ROBO1: variants seen among roughly 807,000 people sequenced by gnomAD.
The protein encoded by ROBO1 is roundabout guidance receptor 1.
In ROBO1, 149 loss-of-function variants were observed where a neutral mutation model predicts 195.9. The observed-to-expected ratio is 0.76, with a 90% CI of 0.67 to 0.87. The LOEUF (loss-of-function observed/expected upper bound fraction) is 0.87, where lower values mean the gene tolerates loss of function less well. ROBO1 is among the 40% of genes least tolerant of loss of function. ROBO1 has a pLI of 0.00. For missense variants in ROBO1, 1,933 were observed against 2,068.3 expected, an observed-to-expected ratio of 0.93 and a Z score of 1.27; for synonymous variants, 816 against 733.2, an observed-to-expected ratio of 1.11 and a Z score of -1.82.
intron 5 of ROBO1, among the ~76,000 whole-genome samples, chr3:78,744,602 G>C (rs75071269): frequency 0.075 from 11,381 of 152,178 alleles, 880 homozygotes; most frequent in African/African-American, 0.2. Context: ...ACTCTCTAGT[G>C]AATGCGTTAG....
At chr3:78,623,825 C>T (rs911562914) in intron 26 of ROBO1, among the ~76,000 whole-genome samples, 1 of 151,994 alleles carries the variant, frequency 6.6e-6, no homozygotes, top group Non-Finnish European at 1.5e-5. Flanking sequence ...ATATATGGGT[C>T]GGAAGCTCCA....
intron 1 of ROBO1, among the ~76,000 whole-genome samples, chr3:79,635,907 T>C (rs971619603): frequency 3.9e-5 from 6 of 152,294 alleles, no homozygotes; most frequent in African/African-American, 1.4e-4. Flanking sequence ...ACAATACATA[T>C]ATCCTTCTTT....
intron 22 of ROBO1, 29 bp from the exon 23 acceptor site, chr3:78,636,137 A>T (rs373070988): frequency 5.2e-4 from 775 of 1,499,664 alleles, no homozygotes; most frequent in Admixed American, 8.0e-4. Flanking sequence ...AAAAGGAAAA[A>T]ATCATTCTGC....
rs1158220879 is a variant in ROBO1, at chr3:78,930,524, G to T, written c.499+8077C>A. 2.6e-5 allele frequency among the ~76,000 whole-genome samples: 4 copies of T among 152,150 alleles called. No individual in the cohort carries two copies. In the South Asian group the frequency reaches 8.3e-4, roughly 32 times the overall value. On this transcript the variant is annotated intron_variant, in intron 4 of 30. Transcript: ENST00000464233. ...AAGTATACTTTCTCGGGATGGTGAT[G>T]GGATGAAGCATACCAAACCGCTATA...
At chr3:79,263,329 T>C (rs1272052239) in intron 2 of ROBO1, among the ~76,000 whole-genome samples, 1 of 152,068 alleles carries the variant, frequency 6.6e-6, no homozygotes, top group African/African-American at 2.4e-5. Context: ...TCTCCATACA[T>C]GCAGTGAATC....
rs201085957 is a variant in ROBO1, at chr3:79,431,596, G to GT, written c.88+158227dup. On this transcript the variant is annotated intron_variant, in intron 2 of 30. Transcript: ENST00000464233. ...GACAAAAACATGGTACAGAAAAAAA[G>GT]TACAAATCATTTACTAGGCAATGTA... Among the ~76,000 whole-genome samples, 123 of 152,150 alleles carry GT rather than the reference G, an allele frequency of 8.1e-4. 2 individuals carry two copies. In the East Asian group the frequency reaches 0.023, roughly 29 times the overall value.
chr3:78,723,980 A>T (rs2082103547), intron 5 of ROBO1, among the ~76,000 whole-genome samples: 1 of 152,298 alleles, frequency 6.6e-6, no homozygotes, highest in East Asian at 1.9e-4. Context: ...ACATTCTGTT[A>T]TATACTCACT....
At chr3:79,613,445 A>G (rs1944726640) in intron 1 of ROBO1, among the ~76,000 whole-genome samples, 2 of 152,086 alleles carry the variant, frequency 1.3e-5, no homozygotes, top group Non-Finnish European at 2.9e-5. Context: ...AAATCATTAG[A>G]AATTATTAAA....
chr3:79,687,317 G>A (rs1202080103), intron 1 of ROBO1, among the ~76,000 whole-genome samples: 2 of 151,982 alleles, frequency 1.3e-5, no homozygotes, highest in Non-Finnish European at 2.9e-5. Context: ...GCATGGGCAA[G>A]GACTTCATGT....
chr3:78,932,741 G>GA (rs1560014652), intron 4 of ROBO1, among the ~76,000 whole-genome samples: 2 of 152,072 alleles, frequency 1.3e-5, no homozygotes, highest in African/African-American at 2.4e-5. Context: ...TAATGTGCAG[G>GA]AAAAAAAGAC....
chr3:79,531,290 T>C (rs985333660), intron 2 of ROBO1, among the ~76,000 whole-genome samples: 1 of 152,162 alleles, frequency 6.6e-6, no homozygotes, highest in Non-Finnish European at 1.5e-5. Context: ...ATTAATAATA[T>C]ATTACTCAGC....
chr3:78,721,103 A>G (rs959161588), intron 5 of ROBO1, among the ~76,000 whole-genome samples: 8 of 152,232 alleles, frequency 5.3e-5, no homozygotes, highest in African/African-American at 1.9e-4. Flanking sequence ...ATAATTAAAA[A>G]AAAAAGATAT....
At chr3:79,761,139 A>G (rs991161811) in intron 1 of ROBO1, among the ~76,000 whole-genome samples, 2 of 148,092 alleles carry the variant, frequency 1.4e-5, no homozygotes, top group African/African-American at 4.9e-5. Context: ...CTAAATATAT[A>G]ATAATAATAT....
chr3:79,726,653 C>T (rs1469718900), intron 1 of ROBO1, among the ~76,000 whole-genome samples: 2 of 152,150 alleles, frequency 1.3e-5, no homozygotes, highest in African/African-American at 4.8e-5. Flanking sequence ...AAAAAATTAC[C>T]TTTTACAATA....
intron 2 of ROBO1, among the ~76,000 whole-genome samples, chr3:79,310,254 A>G (rs969431820): frequency 6.6e-6 from 1 of 151,930 alleles, no homozygotes; most frequent in Admixed American, 6.6e-5. Flanking sequence ...GTGCACCCTG[A>G]CTCTGTTAAA....
At chr3:79,619,040 C>T (rs1323848394) in intron 1 of ROBO1, among the ~76,000 whole-genome samples, 1 of 152,210 alleles carries the variant, frequency 6.6e-6, no homozygotes, top group African/African-American at 2.4e-5. Context: ...CCATTGGTGT[C>T]TGATCACTGC....
At chr3:79,756,550 C>CA (rs147939503) in intron 1 of ROBO1, among the ~76,000 whole-genome samples, 4,663 of 105,792 alleles carry the variant, frequency 0.044, 219 homozygotes, top group African/African-American at 0.14. Context: ...AGCACCATCT[C>CA]AAAAAAAAAA....
intron 4 of ROBO1, among the ~76,000 whole-genome samples, chr3:78,800,754 C>T (rs569340330): frequency 2.0e-4 from 31 of 152,068 alleles, no homozygotes; most frequent in East Asian, 1.7e-3. Context: ...TTAATAGAGA[C>T]GGGGTTTCAC....
chr3:79,032,169 C>G (rs909672927), intron 3 of ROBO1, among the ~76,000 whole-genome samples: 1 of 151,964 alleles, frequency 6.6e-6, no homozygotes, highest in African/African-American at 2.4e-5. Flanking sequence ...GCTAGGAGGT[C>G]CAGACATTCC....
Sources: allele counts gnomAD v4.1 joint callset (sites outside exome capture counted in the v4.1 genomes callset), GRCh38; gene constraint gnomAD v4.1.1; transcripts MANE v1.5; gene names NCBI Gene and HGNC (gene_info 2026-07-23, HGNC 2026-07-21).